Variants in PPP2R3A observed in about 807,000 individuals in gnomAD.
PPP2R3A encodes the protein protein phosphatase 2 regulatory subunit B''alpha.
In PPP2R3A, 80 loss-of-function variants were observed where a neutral mutation model predicts 106.9. The observed-to-expected ratio is 0.75, with a 90% CI of 0.62 to 0.90. The LOEUF (loss-of-function observed/expected upper bound fraction) is 0.90. Among genes scored for constraint, PPP2R3A ranks in the 40% least tolerant of loss-of-function variants. The probability of loss-of-function intolerance (pLI) is 0.00; values close to 1 mark genes in which losing one functional copy is unlikely to be tolerated. For synonymous variants in PPP2R3A, 483 were observed against 468.3 expected (o/e 1.03, Z -0.41); for missense variants, 1,386 against 1,350.4 (o/e 1.03, Z -0.41).
At chr3:135,976,558 GATAA>G (rs1452206651) in intron 1 of PPP2R3A, among the ~76,000 whole-genome samples, 3 of 152,078 alleles carry the variant, frequency 2.0e-5, no homozygotes, top group Non-Finnish European at 2.9e-5. Flanking sequence ...TTATGTTGTA[GATAA>G]ATAAACTTAA....
At chr3:136,082,105 G>A (rs980491160) in intron 7 of PPP2R3A, among the ~76,000 whole-genome samples, 160 bp from the exon 8 acceptor site, 2 of 152,128 alleles carry the variant, frequency 1.3e-5, no homozygotes, top group Non-Finnish European at 2.9e-5. Flanking sequence ...AGATTGATTG[G>A]TTGATTAAAG....
chr3:136,028,819 G>GGTT (rs967378669), intron 3 of PPP2R3A, among the ~76,000 whole-genome samples: 4 of 152,050 alleles, frequency 2.6e-5, no homozygotes, highest in African/African-American at 4.8e-5. Context: ...ATGCCAACAG[G>GGTT]GTTGTTGTTG....
intron 2 of PPP2R3A, among the ~76,000 whole-genome samples, chr3:136,008,480 A>G (rs1195610473): frequency 1.3e-5 from 2 of 152,230 alleles, no homozygotes; most frequent in Non-Finnish European, 2.9e-5. Flanking sequence ...TTCTGACGTC[A>G]GGTACCTTTG....
intron 5 of PPP2R3A, among the ~76,000 whole-genome samples, chr3:136,063,222 A>G (rs1235042116): frequency 1.3e-5 from 2 of 152,234 alleles, no homozygotes; most frequent in Admixed American, 1.3e-4. Context: ...AGCCATATGT[A>G]GAAAGCTGAA....
chr3:136,053,031 A>C (rs1935733287), intron 5 of PPP2R3A, among the ~76,000 whole-genome samples: 1 of 152,246 alleles, frequency 6.6e-6, no homozygotes, highest in Non-Finnish European at 1.5e-5. Context: ...ATGCAGGAAC[A>C]GAAAACCAAA....
chr3:136,142,804 G>A (rs1421294774), intron 13 of PPP2R3A, among the ~76,000 whole-genome samples: 3 of 151,946 alleles, frequency 2.0e-5, no homozygotes, highest in African/African-American at 4.8e-5. Flanking sequence ...GAAAATATGC[G>A]TTATTCATAG....
chr3:136,104,953 T>A (rs957380775), intron 12 of PPP2R3A, among the ~76,000 whole-genome samples: 3 of 152,268 alleles, frequency 2.0e-5, no homozygotes, highest in Non-Finnish European at 4.4e-5. Flanking sequence ...TTACTTTTTT[T>A]AATAAATGGT....
chr3:136,003,473 CA>C lies in PPP2R3A; in HGVS notation c.1976del (p.Gln659ArgfsTer5). 1.9e-6 allele frequency: 3 copies of C among 1,610,992 alleles called. No individual in the cohort carries two copies. Among genetic ancestry groups the C allele is most frequent in the Non-Finnish European group, 2.5e-6 (3 of 1,178,618 alleles). On this transcript the variant is annotated frameshift_variant, in exon 2 of 14. Coordinates refer to ENST00000264977, the MANE Select transcript of PPP2R3A (RefSeq NM_002718.5). LOFTEE classifies it high-confidence loss of function. The part of the protein sequence containing the change: ...KDTTSAVLIQ[Q>X]TPEVIKIQNK... Reference sequence around the variant, plus strand: ...TACTACTTCAGCAGTTTTGATTCAGCAGACTCCAGAGGTGATCAAGGTAAGA... The same window carrying C: ...TACTACTTCAGCAGTTTTGATTCAGCGACTCCAGAGGTGATCAAGGTAAGA...
Position 136,147,170 on chromosome 3 carries a change from C to T in PPP2R3A, c.*2004C>T, listed in dbSNP as rs1939170447. ...ATCACTTGAGCCCAGGAGTAAAGAC[C>T]AGCCTGGGCAACATAGTGAGACTCC... On this transcript the variant is annotated 3_prime_UTR_variant, in exon 14 of 14. Transcript: ENST00000264977. 1 of 152,116 alleles carries T rather than the reference C, an allele frequency of 6.6e-6. No homozygotes were observed. The highest frequency in any genetic ancestry group is 2.4e-5 in the African/African-American group (1 of 41,396). 9.4% of individuals were successfully genotyped at this position (152,116 alleles called of 1,614,324 possible).
intron 13 of PPP2R3A, among the ~76,000 whole-genome samples, chr3:136,141,156 CAAAT>C (rs1205301854): frequency 1.4e-4 from 22 of 152,062 alleles, no homozygotes; most frequent in African/African-American, 4.6e-4. Context: ...ATGAAGGAGA[CAAAT>C]AAATAAGATG....
chr3:136,071,422 C>G (rs757597184), intron 6 of PPP2R3A, among the ~76,000 whole-genome samples: 4 of 152,194 alleles, frequency 2.6e-5, no homozygotes, highest in African/African-American at 9.6e-5. Flanking sequence ...CAGTATAAAA[C>G]TTTGTAAGAT....
rs193003581 is a variant in PPP2R3A, at chr3:136,017,231, A to T, written c.1996-9601A>T. Among the ~76,000 whole-genome samples, 1,275 of 152,258 alleles carry T rather than the reference A, an allele frequency of 8.4e-3. 9 individuals are homozygous for T. The highest frequency in any genetic ancestry group is 0.018 in the South Asian group (85 of 4,826). ...TCTTTAAAAGTTACCTGATGCTTTT[A>T]CCTCACAGCTCTTAGGATTTTTTCC... On this transcript the variant is annotated intron_variant, in intron 2 of 13. Transcript: ENST00000264977.
At chr3:136,129,061 A>T (rs1485435966) in intron 13 of PPP2R3A, among the ~76,000 whole-genome samples, 1 of 152,210 alleles carries the variant, frequency 6.6e-6, no homozygotes, top group South Asian at 2.1e-4. Flanking sequence ...CCACAAGAGA[A>T]AGCAGGAAAG....
intron 9 of PPP2R3A, among the ~76,000 whole-genome samples, chr3:136,089,646 G>A (rs1307328178): frequency 2.7e-5 from 4 of 150,010 alleles, no homozygotes; most frequent in Non-Finnish European, 4.4e-5. Context: ...TGTGAAAAAC[G>A]ACATTAGTTT....
At chr3:136,042,618 A>G (rs1935326051) in intron 4 of PPP2R3A, among the ~76,000 whole-genome samples, 1 of 152,254 alleles carries the variant, frequency 6.6e-6, no homozygotes, top group Admixed American at 6.5e-5. Flanking sequence ...CATTTCTGCA[A>G]AACGCAAAAA....
At chr3:136,007,009 C>T (rs1202731687) in intron 2 of PPP2R3A, among the ~76,000 whole-genome samples, 1 of 152,192 alleles carries the variant, frequency 6.6e-6, no homozygotes. Context: ...GTAACCTTTT[C>T]CCATCGGTTT....
At chr3:136,106,132 C>A in intron 12 of PPP2R3A, 84 bp from the exon 13 acceptor site, 1 of 1,093,348 alleles carries the variant, frequency 9.1e-7, no homozygotes. Context: ...ATTTTTTCAG[C>A]AGTATACATT....
chr3:136,027,891 T>C (rs1934725685), intron 3 of PPP2R3A, among the ~76,000 whole-genome samples: 1 of 152,188 alleles, frequency 6.6e-6, no homozygotes, highest in East Asian at 1.9e-4. Context: ...GGAGACCAAG[T>C]GAGAATACCT....
intron 9 of PPP2R3A, 22 bp from the exon 10 acceptor site, chr3:136,090,556 T>C: frequency 1.3e-6 from 2 of 1,588,936 alleles, no homozygotes; most frequent in Non-Finnish European, 1.7e-6. Flanking sequence ...CAGGAAATTT[T>C]ATAACCATGT....
Sources: allele counts gnomAD v4.1 joint callset (sites outside exome capture counted in the v4.1 genomes callset), GRCh38; gene constraint gnomAD v4.1.1; transcripts MANE v1.5; gene names NCBI Gene and HGNC (gene_info 2026-07-23, HGNC 2026-07-21).